GLI3: variants seen among roughly 807,000 people sequenced by gnomAD.
GLI3 encodes the protein GLI family zinc finger 3.
GLI3 carries 20 observed loss-of-function variants against 100.8 expected under a neutral mutation model. That is an observed-to-expected ratio of 0.20 (90% CI 0.14 to 0.29). The LOEUF is 0.29. GLI3 is among the 10% of genes least tolerant of loss of function. The pLI is 1.00. For missense variants in GLI3, 2,040 were observed against 2,128.5 expected (o/e 0.96, Z 0.82); for synonymous variants, 938 against 860.5 (o/e 1.09, Z -1.58).
chr7:42,041,168 T>G lies in GLI3; in HGVS notation c.827-929A>C, dbSNP rs576874998. On this transcript the variant is annotated intron_variant, in intron 6 of 14. Coordinates refer to ENST00000395925, the MANE Select transcript of GLI3 (RefSeq NM_000168.6). ...GGCATTTTAGCTCTTCTCTGGACCT[T>G]GTTTCTCTAGTCAGACCCAATAAGG... 2.4e-4 allele frequency among the ~76,000 whole-genome samples: 36 copies of G among 152,322 alleles called. No individual in the cohort carries two copies. In the South Asian group the frequency reaches 4.1e-3, roughly 18 times the overall value.
intron 10 of GLI3, among the ~76,000 whole-genome samples, chr7:42,022,212 A>C (rs552045382): frequency 2.6e-5 from 4 of 152,306 alleles, no homozygotes; most frequent in Non-Finnish European, 4.4e-5. Context: ...AAAATCCTCA[A>C]AACATTCTGT....
intron 2 of GLI3, among the ~76,000 whole-genome samples, chr7:42,198,900 T>G (rs1787982802): frequency 6.7e-6 from 1 of 149,240 alleles, no homozygotes; most frequent in Non-Finnish European, 1.5e-5. Flanking sequence ...ACACATAACT[T>G]AAAATACTCA....
chr7:41,965,661 G>C lies in GLI3; in HGVS notation c.3412C>G (p.His1138Asp), dbSNP rs1248100060. The C allele has an allele frequency of 6.2e-7, 1 of 1,612,820 alleles. No homozygotes were observed. The highest frequency in any genetic ancestry group is 8.5e-7 in the Non-Finnish European group (1 of 1,179,164). ...AGGGCATGGAACTGCTGGCCAGCGTGGCTGTCTGGCAGCCCGGGCGCGTCA... is the reference window on the plus strand; with the variant it reads ...AGGGCATGGAACTGCTGGCCAGCGTCGCTGTCTGGCAGCCCGGGCGCGTCA... The part of the protein sequence containing the change: ...DFDAPGLPDS[H>D]AGQQFHALEQ... The change falls in exon 15 of 15, where the codon CAC becomes GAC. Residue 1138 changes from histidine (H) to aspartate (D), a missense_variant. By Grantham distance (81) the His-to-Asp change is moderately conservative (BLOSUM62 -1). Around this residue, in one of 5 missense-constraint regions of GLI3, gnomAD observed 1,041 missense variants for 924.0 expected, o/e 1.13. Coordinates refer to ENST00000395925, the MANE Select transcript of GLI3 (RefSeq NM_000168.6).
chr7:42,122,802 G>A (rs910464913), intron 3 of GLI3, among the ~76,000 whole-genome samples: 4 of 152,186 alleles, frequency 2.6e-5, no homozygotes, highest in African/African-American at 9.6e-5. Context: ...ACCAAATGCT[G>A]AATCAGAAAA....
chr7:42,005,719 C>T (rs1394249669), intron 10 of GLI3, among the ~76,000 whole-genome samples: 5 of 152,136 alleles, frequency 3.3e-5, no homozygotes, highest in East Asian at 3.9e-4. Flanking sequence ...GGGAGGGAAG[C>T]GTATGAAGAC....
intron 3 of GLI3, among the ~76,000 whole-genome samples, chr7:42,097,387 G>A (rs148917029): frequency 3.7e-4 from 56 of 152,320 alleles, no homozygotes; most frequent in Non-Finnish European, 6.5e-4. Flanking sequence ...GAGACAGGAA[G>A]CAGCAGGCAT....
At chr7:42,047,086 G>A (rs1182898194) in intron 5 of GLI3, among the ~76,000 whole-genome samples, 3 of 152,166 alleles carry the variant, frequency 2.0e-5, no homozygotes, top group Admixed American at 6.5e-5. Flanking sequence ...AACCCAGCAG[G>A]TCTGGGGTAC....
intron 1 of GLI3, among the ~76,000 whole-genome samples, chr7:42,244,889 T>C (rs1235357132): frequency 6.6e-6 from 1 of 152,202 alleles, no homozygotes; most frequent in Admixed American, 6.5e-5. Flanking sequence ...AGGCTTTCAC[T>C]TGGACAAGGC....
chr7:42,067,803 G>A (rs1248825858), intron 4 of GLI3, among the ~76,000 whole-genome samples: 1 of 152,112 alleles, frequency 6.6e-6, no homozygotes, highest in East Asian at 1.9e-4. Flanking sequence ...TGTCTTCAAG[G>A]GCAACTGTAC....
chr7:42,129,236 T>A (rs1786211255), intron 3 of GLI3, among the ~76,000 whole-genome samples: 1 of 152,180 alleles, frequency 6.6e-6, no homozygotes. Context: ...ACTGTATATA[T>A]GAGAAAATGG....
intron 2 of GLI3, among the ~76,000 whole-genome samples, chr7:42,179,818 A>G (rs1787555210): frequency 6.6e-6 from 1 of 152,176 alleles, no homozygotes; most frequent in African/African-American, 2.4e-5. Context: ...TGGCCTTGCC[A>G]TCACCTGGGC....
intron 2 of GLI3, among the ~76,000 whole-genome samples, chr7:42,214,647 C>CA (rs1286810562): frequency 1.4e-5 from 2 of 145,072 alleles, no homozygotes; most frequent in Non-Finnish European, 3.0e-5. Context: ...AAAGATGCTT[C>CA]AAAAAAAGAA....
intron 10 of GLI3, among the ~76,000 whole-genome samples, chr7:41,984,571 C>G (rs1787761417): frequency 6.6e-6 from 1 of 152,206 alleles, no homozygotes; most frequent in Non-Finnish European, 1.5e-5. Flanking sequence ...TCCATAGATA[C>G]ACACCTGGCT....
At chr7:42,142,314 A>G (rs1786588135) in intron 3 of GLI3, among the ~76,000 whole-genome samples, 2 of 152,118 alleles carry the variant, frequency 1.3e-5, no homozygotes, top group Admixed American at 1.3e-4. Flanking sequence ...ATGGGAGCTG[A>G]GTCGTTGTAG....
At chr7:42,101,389 C>G (rs1014396973) in intron 3 of GLI3, among the ~76,000 whole-genome samples, 2 of 152,208 alleles carry the variant, frequency 1.3e-5, no homozygotes, top group East Asian at 3.9e-4. Context: ...CTGCTTGAGT[C>G]CAAGAGTTCG....
At chr7:42,003,539 T>C (rs1156492339) in intron 10 of GLI3, among the ~76,000 whole-genome samples, 1 of 152,132 alleles carries the variant, frequency 6.6e-6, no homozygotes, top group African/African-American at 2.4e-5. Flanking sequence ...TTTAATAAAG[T>C]GTACAGCAGG....
intron 2 of GLI3, among the ~76,000 whole-genome samples, chr7:42,199,629 C>T (rs1218973385): frequency 6.6e-6 from 1 of 152,206 alleles, no homozygotes; most frequent in Non-Finnish European, 1.5e-5. Context: ...CACGTGTGTC[C>T]TCTCCTTTCA....
At chr7:42,201,586 C>T (rs183504460) in intron 2 of GLI3, among the ~76,000 whole-genome samples, 3 of 152,264 alleles carry the variant, frequency 2.0e-5, no homozygotes, top group Admixed American at 2.0e-4. Flanking sequence ...TGTCGTTAGG[C>T]AATTTTGTTG....
chr7:42,029,753 G>A (rs573138001), intron 7 of GLI3, among the ~76,000 whole-genome samples: 36 of 152,180 alleles, frequency 2.4e-4, no homozygotes, highest in African/African-American at 8.2e-4. Flanking sequence ...CTCCTCAGAG[G>A]GGCCTTCTTA....
Sources: gnomAD v4.1 joint callset for allele counts (sites outside exome capture counted in the v4.1 genomes callset) on GRCh38, gnomAD v4.1.1 for gene constraint, gnomAD v4.1.1 regional missense constraint, MANE v1.5 for transcripts, NCBI Gene and HGNC (gene_info 2026-07-23, HGNC 2026-07-21) for gene names.